The following SDK1 variants were observed in gnomAD, a reference collection of about 807,000 sequenced individuals.
SDK1 encodes the protein sidekick cell adhesion molecule 1.
Under a neutral mutation model 245.5 loss-of-function variants are expected in SDK1, and 157 were observed. The ratio of observed to expected loss-of-function variants is 0.64; its 90% CI spans 0.56 to 0.73. SDK1 has a LOEUF of 0.73. SDK1 is among the 30% of genes least tolerant of loss of function. The pLI is 0.00. For missense variants in SDK1, 3,583 were observed against 3,002.3 expected (o/e 1.19, Z -4.52); for synonymous variants, 1,647 against 1,278.5 (o/e 1.29, Z -6.15).
intron 1 of SDK1, among the ~76,000 whole-genome samples, chr7:3,390,408 G>A (rs957637666): frequency 6.6e-6 from 1 of 152,144 alleles, no homozygotes; most frequent in Non-Finnish European, 1.5e-5. Flanking sequence ...AGCCAATATT[G>A]TAAGAACTGT....
chr7:4,263,499 G>T (rs1241012673), intron 44 of SDK1, among the ~76,000 whole-genome samples: 1 of 143,836 alleles, frequency 7.0e-6, no homozygotes, highest in African/African-American at 2.6e-5. Context: ...TCCTGAGTGG[G>T]GAGGCCACGT....
At position 4,132,317 on chromosome 7, in the gene SDK1, C is replaced by A. The variant is rs538836731; in HGVS notation, c.4130-8C>A. 2 of 1,603,170 alleles carry A rather than the reference C, an allele frequency of 1.2e-6. No individual in the cohort carries two copies. The highest frequency in any genetic ancestry group is 1.7e-6 in the Non-Finnish European group (2 of 1,171,498). Reference sequence around the variant, plus strand: ...TGAGATCTGAATCCCTGTGGTTTTTCCCTTCAGCCCCAGGCCCACCAGTGA... The same window carrying A: ...TGAGATCTGAATCCCTGTGGTTTTTACCTTCAGCCCCAGGCCCACCAGTGA... On this transcript the variant is annotated splice_polypyrimidine_tract_variant and splice_region_variant and intron_variant, in intron 27 of 44. Coordinates refer to ENST00000404826, the MANE Select transcript of SDK1 (RefSeq NM_152744.4).
chr7:3,875,244 C>G (rs1475940784), intron 5 of SDK1, among the ~76,000 whole-genome samples: 1 of 152,154 alleles, frequency 6.6e-6, no homozygotes, highest in Non-Finnish European at 1.5e-5. Flanking sequence ...CTGACAGAGT[C>G]AAGAAAAGTC....
Position 3,809,313 on chromosome 7 carries a change from C to A in SDK1, c.714-12137C>A, listed in dbSNP as rs534301247. On this transcript the variant is annotated intron_variant, in intron 4 of 44. Transcript: ENST00000404826. Reference sequence around the variant, plus strand: ...ATGGTGCTAAATATTCATGAGAAATCCACCCTCAAGACTCTGATCCAGTCA... The same window carrying A: ...ATGGTGCTAAATATTCATGAGAAATACACCCTCAAGACTCTGATCCAGTCA... Among the ~76,000 whole-genome samples the A allele has an allele frequency of 2.6e-5, 4 of 152,212 alleles. No individual in the cohort carries two copies. The East Asian group carries it at 7.7e-4, about 29-fold the overall frequency.
At chr7:4,221,428 G>A in intron 40 of SDK1, 64 bp downstream of exon 40, 2 of 1,511,410 alleles carry the variant, frequency 1.3e-6, no homozygotes, top group Non-Finnish European at 8.9e-7. Context: ...CTAAGACTGT[G>A]TCGGGGGCTT....
chr7:3,947,857 C>T (rs1313205160), intron 5 of SDK1, among the ~76,000 whole-genome samples: 1 of 151,934 alleles, frequency 6.6e-6, no homozygotes, highest in Non-Finnish European at 1.5e-5. Flanking sequence ...CAATAGATGC[C>T]TATAATTTAA....
intron 5 of SDK1, among the ~76,000 whole-genome samples, chr7:3,932,337 T>G (rs1282358478): frequency 6.6e-6 from 1 of 152,184 alleles, no homozygotes; most frequent in East Asian, 1.9e-4. Flanking sequence ...TGTCGTCAAC[T>G]TTAGATTTAT....
At chr7:3,904,811 A>G (rs1428488882) in intron 5 of SDK1, among the ~76,000 whole-genome samples, 4 of 152,078 alleles carry the variant, frequency 2.6e-5, no homozygotes, top group Non-Finnish European at 5.9e-5. Context: ...GGAGAACACA[A>G]TAGAATCCCG....
chr7:4,101,692 C>A (rs905587416), intron 22 of SDK1, among the ~76,000 whole-genome samples: 1 of 152,096 alleles, frequency 6.6e-6, no homozygotes, highest in African/African-American at 2.4e-5. Context: ...GGAGGAAGAT[C>A]GCGGTTCTGG....
chr7:3,617,519 T>G (rs1991758), intron 1 of SDK1, among the ~76,000 whole-genome samples: 57,734 of 152,056 alleles, frequency 0.38, 11,608 homozygotes, highest in African/African-American at 0.51. Context: ...CACTCCGTTT[T>G]CTGCTGCTGT....
At chr7:3,634,365 C>A (rs567282544) in intron 2 of SDK1, among the ~76,000 whole-genome samples, 9 of 152,282 alleles carry the variant, frequency 5.9e-5, no homozygotes, top group East Asian at 5.8e-4. Context: ...CAGGTCACAA[C>A]TGAGGCTTTC....
chr7:3,361,826 A>G (rs1780961147), intron 1 of SDK1, among the ~76,000 whole-genome samples: 1 of 152,212 alleles, frequency 6.6e-6, no homozygotes, highest in Non-Finnish European at 1.5e-5. Flanking sequence ...TGAATTTTCC[A>G]AGATGGTTAT....
chr7:3,579,040 C>A (rs765568090), intron 1 of SDK1, among the ~76,000 whole-genome samples: 1 of 151,824 alleles, frequency 6.6e-6, no homozygotes, highest in African/African-American at 2.4e-5. Flanking sequence ...GTTCCTCTGC[C>A]GCGGCTCCAG....
chr7:3,733,602 G>C (rs910722296), intron 4 of SDK1, among the ~76,000 whole-genome samples: 1 of 152,080 alleles, frequency 6.6e-6, no homozygotes, highest in Non-Finnish European at 1.5e-5. Flanking sequence ...CCTCTAGCCC[G>C]CGAGTTCCAA....
Position 4,160,440 on chromosome 7 carries a change from G to A in SDK1, c.4730-1346G>A, listed in dbSNP as rs1180370123. On this transcript the variant is annotated intron_variant, in intron 31 of 44. Coordinates refer to ENST00000404826, the MANE Select transcript of SDK1 (RefSeq NM_152744.4). ...TCTTACCCTTTGATATTCAGATTGG[G>A]CTTTGATGCACCTATCTTGTCATCG... Among the ~76,000 whole-genome samples, 4 of 152,144 alleles carry A rather than the reference G, an allele frequency of 2.6e-5. No individual in the cohort carries two copies. In the East Asian group the frequency reaches 5.8e-4, roughly 22 times the overall value.
intron 1 of SDK1, among the ~76,000 whole-genome samples, chr7:3,457,021 C>G (rs919336711): frequency 6.6e-6 from 1 of 152,122 alleles, no homozygotes; most frequent in Non-Finnish European, 1.5e-5. Flanking sequence ...AAGGTGCTTC[C>G]GCAGTCCTGG....
intron 4 of SDK1, among the ~76,000 whole-genome samples, chr7:3,738,103 A>C (rs1009126178): frequency 6.6e-6 from 1 of 152,196 alleles, no homozygotes; most frequent in Non-Finnish European, 1.5e-5. Context: ...TTTTCTTGTT[A>C]CATCCAAGAA....
chr7:3,334,796 G>C (rs972117510), intron 1 of SDK1, among the ~76,000 whole-genome samples: 1 of 152,122 alleles, frequency 6.6e-6, no homozygotes, highest in African/African-American at 2.4e-5. Context: ...CAGAAGTCTA[G>C]AGGTATATTT....
At chr7:4,261,341 A>G (rs1192684292) in intron 44 of SDK1, among the ~76,000 whole-genome samples, 1 of 152,170 alleles carries the variant, frequency 6.6e-6, no homozygotes, top group African/African-American at 2.4e-5. Context: ...CCTGGGTCTC[A>G]GTGTGGACCT....
Sources: gnomAD v4.1 joint callset for allele counts (sites outside exome capture counted in the v4.1 genomes callset) on GRCh38, gnomAD v4.1.1 for gene constraint, MANE v1.5 for transcripts, NCBI Gene and HGNC (gene_info 2026-07-23, HGNC 2026-07-21) for gene names.